The following PTPRD variants were observed in gnomAD, a reference collection of about 807,000 sequenced individuals.
The protein encoded by PTPRD is receptor-type tyrosine-protein phosphatase delta.
Under a neutral mutation model 214.5 loss-of-function variants are expected in PTPRD, and 34 were observed. That is an observed-to-expected ratio of 0.16 (90% CI 0.12 to 0.21). The LOEUF is 0.21. Ranked by LOEUF, PTPRD falls within the 10% of genes least tolerant of loss-of-function variation. The pLI, the probability that PTPRD is intolerant of heterozygous loss-of-function variation, is 1.00. For synonymous variants in PTPRD, 1,128 were observed against 845.7 expected (o/e 1.33, Z -5.79); for missense variants, 2,545 against 2,398.7 (o/e 1.06, Z -1.27).
At chr9:10,215,233 A>T (rs1040395439) in intron 3 of PTPRD, among the ~76,000 whole-genome samples, 1 of 152,056 alleles carries the variant, frequency 6.6e-6, no homozygotes, top group Admixed American at 6.6e-5. Flanking sequence ...GACTGAAGAT[A>T]TTCAATGAAA....
Position 10,292,135 on chromosome 9 carries a change from T to C in PTPRD, c.-545+48828A>G, listed in dbSNP as rs1201804402. On this transcript the variant is annotated intron_variant, in intron 3 of 45. Coordinates refer to ENST00000381196, the MANE Select transcript of PTPRD (RefSeq NM_002839.4). ...ATCATTCATCGTAATTTTATTATAA[T>C]TAATCCTGAAAGCTATCCTCATAAA... is the stretch of plus-strand genomic sequence containing the variant. Among the ~76,000 whole-genome samples, 4 of 152,070 alleles carry C rather than the reference T, an allele frequency of 2.6e-5. No individual in the cohort carries two copies. In the East Asian group the frequency reaches 7.7e-4, roughly 29 times the overall value.
At chr9:8,853,741 C>T (rs2097861139) in intron 11 of PTPRD, among the ~76,000 whole-genome samples, 2 of 152,164 alleles carry the variant, frequency 1.3e-5, no homozygotes, top group Non-Finnish European at 2.9e-5. Context: ...CTTCTCTTTG[C>T]TCTTTCTTGG....
chr9:8,547,659 A>C (rs1015390929), intron 14 of PTPRD, among the ~76,000 whole-genome samples: 2 of 151,872 alleles, frequency 1.3e-5, no homozygotes, highest in Non-Finnish European at 2.9e-5. Flanking sequence ...AAAAAAAAAA[A>C]AAGAGAGTGA....
intron 8 of PTPRD, among the ~76,000 whole-genome samples, chr9:9,451,888 A>C (rs2092267930): frequency 6.6e-6 from 1 of 151,570 alleles, no homozygotes; most frequent in Non-Finnish European, 1.5e-5. Flanking sequence ...TTCATTACAG[A>C]GAGAAGAGGA....
chr9:10,301,171 G>A (rs548676220), intron 3 of PTPRD, among the ~76,000 whole-genome samples: 7 of 152,292 alleles, frequency 4.6e-5, no homozygotes, highest in African/African-American at 1.7e-4. Context: ...CTACAGCAGA[G>A]GGGGGTGACT....
chr9:8,911,627 T>G (rs2098749234), intron 11 of PTPRD, among the ~76,000 whole-genome samples: 1 of 152,122 alleles, frequency 6.6e-6, no homozygotes, highest in South Asian at 2.1e-4. Context: ...TTCTTACATA[T>G]GATGCCAAAA....
At chr9:8,522,871 G>A (rs2097918621) in intron 19 of PTPRD, among the ~76,000 whole-genome samples, 1 of 152,204 alleles carries the variant, frequency 6.6e-6, no homozygotes, top group South Asian at 2.1e-4. Flanking sequence ...AAACTGATAA[G>A]TAACCTCATA....
chr9:8,790,274 C>A (rs1053695381), intron 11 of PTPRD, among the ~76,000 whole-genome samples: 1 of 152,014 alleles, frequency 6.6e-6, no homozygotes, highest in East Asian at 1.9e-4. Flanking sequence ...CCTCTGCCTT[C>A]CAAAGCATTA....
intron 2 of PTPRD, among the ~76,000 whole-genome samples, chr9:10,392,689 T>A (rs1437454434): frequency 2.0e-5 from 3 of 151,880 alleles, no homozygotes; most frequent in Non-Finnish European, 4.4e-5. Flanking sequence ...GAATTCGGAA[T>A]TCTGCCAGAA....
chr9:9,382,401 G>A (rs934450443), intron 9 of PTPRD, among the ~76,000 whole-genome samples: 1 of 152,066 alleles, frequency 6.6e-6, no homozygotes, highest in African/African-American at 2.4e-5. Flanking sequence ...ATCTACGAAT[G>A]GGAGAAAATG....
chr9:9,911,062 C>T (rs1042929911), intron 5 of PTPRD, among the ~76,000 whole-genome samples: 1 of 151,882 alleles, frequency 6.6e-6, no homozygotes, highest in African/African-American at 2.4e-5. Context: ...CTTCCATTTC[C>T]AGTCTGCTTG....
intron 7 of PTPRD, among the ~76,000 whole-genome samples, chr9:9,638,080 G>C (rs991080171): frequency 1.3e-5 from 2 of 152,088 alleles, no homozygotes; most frequent in Non-Finnish European, 2.9e-5. Context: ...CCATTGTCTT[G>C]ATAAATAATA....
chr9:8,808,409 T>C (rs925304336), intron 11 of PTPRD, among the ~76,000 whole-genome samples: 1 of 150,294 alleles, frequency 6.7e-6, no homozygotes, highest in African/African-American at 2.5e-5. Flanking sequence ...ATGATTCTGA[T>C]GAAACACCAA....
At chr9:8,996,406 T>C (rs767780515) in intron 11 of PTPRD, among the ~76,000 whole-genome samples, 37 of 152,202 alleles carry the variant, frequency 2.4e-4, no homozygotes, top group Middle Eastern at 3.4e-3. Flanking sequence ...ATTTATATGA[T>C]GTTCTGGAAA....
intron 11 of PTPRD, among the ~76,000 whole-genome samples, chr9:8,938,568 G>A (rs1275491507): frequency 6.6e-6 from 1 of 151,978 alleles, no homozygotes; most frequent in Non-Finnish European, 1.5e-5. Context: ...GAGTATTTAG[G>A]TTCACACCTC....
intron 7 of PTPRD, among the ~76,000 whole-genome samples, chr9:9,689,517 G>A (rs1358063818): frequency 6.6e-6 from 1 of 151,252 alleles, no homozygotes; most frequent in Non-Finnish European, 1.5e-5. Flanking sequence ...CTACTATTTT[G>A]AAATGTACTA....
At chr9:9,233,742 A>T (rs1456462942) in intron 9 of PTPRD, among the ~76,000 whole-genome samples, 1 of 152,200 alleles carries the variant, frequency 6.6e-6, no homozygotes, top group Non-Finnish European at 1.5e-5. Flanking sequence ...TCCAATAGGG[A>T]AGTCATTAAA....
chr9:10,224,827 A>T (rs898066622), intron 3 of PTPRD, among the ~76,000 whole-genome samples: 2 of 151,982 alleles, frequency 1.3e-5, no homozygotes, highest in African/African-American at 4.8e-5. Context: ...ATCCACCTCT[A>T]CTTAACAGCT....
Position 8,404,680 on chromosome 9 carries a change from C to T in PTPRD, c.4087-20G>A, listed in dbSNP as rs1160649919. On this transcript the variant is annotated intron_variant, in intron 35 of 45. Coordinates refer to ENST00000381196, the MANE Select transcript of PTPRD (RefSeq NM_002839.4). ...AATTGACTTTAAAAGGAAAACAACA[C>T]ATATACACAAAATCAATACTGAAAA... is the stretch of plus-strand genomic sequence containing the variant. 2 of 1,592,546 alleles carry T rather than the reference C, an allele frequency of 1.3e-6. No homozygotes were observed. Among genetic ancestry groups the T allele is most frequent in the Admixed American group, 3.4e-5 (2 of 59,286 alleles).
Sources: gnomAD v4.1 joint callset for allele counts (sites outside exome capture counted in the v4.1 genomes callset) on GRCh38, gnomAD v4.1.1 for gene constraint, MANE v1.5 for transcripts, NCBI Gene and HGNC (gene_info 2026-07-23, HGNC 2026-07-21) for gene names.